VPS18: variants seen among roughly 807,000 people sequenced by gnomAD.
VPS18 encodes VPS18 core subunit of CORVET and HOPS complexes.
A neutral mutation model predicts 82.0 loss-of-function variants in VPS18; 25 were observed. The ratio of observed to expected loss-of-function variants is 0.30; its 90% CI spans 0.22 to 0.43. VPS18 has a LOEUF of 0.43. VPS18 is among the 20% of genes least tolerant of loss of function. VPS18 has a pLI of 1.00. For synonymous variants in VPS18, 523 were observed against 543.0 expected (o/e 0.96, Z 0.51); for missense variants, 1,168 against 1,311.1 (o/e 0.89, Z 1.69).
chr15:40,903,562 A>C lies in VPS18; in HGVS notation c.*221A>C, dbSNP rs1892403177. 5.3e-6 allele frequency: 3 copies of C among 570,606 alleles called. No individual in the cohort carries two copies. The highest frequency in any genetic ancestry group is 3.8e-5 in the African/African-American group (2 of 52,380). The allele number at this position is 570,606 out of a possible 1,614,324, so 35.3% of individuals were successfully genotyped here. A position where few individuals can be genotyped will look rare whatever the true frequency, so the allele number is the denominator to read the frequency against. The stretch of plus-strand genomic sequence containing the variant: ...AGAGCTGCAGTTATGCCAGACCATC[A>C]GCCTGCCTCCCAGTAGAGGCCCTTC... On this transcript the variant is annotated 3_prime_UTR_variant, in exon 5 of 5. Transcript: ENST00000220509.
At chr15:40,895,293 C>T (rs1485552617) in intron 1 of VPS18, among the ~76,000 whole-genome samples, 1 of 152,118 alleles carries the variant, frequency 6.6e-6, no homozygotes, top group Non-Finnish European at 1.5e-5. Flanking sequence ...GGAATTTTGT[C>T]GCTGAACGGG....
Position 40,899,175 on chromosome 15 carries a change from G to T in VPS18, c.357G>T (p.Thr119=), listed in dbSNP as rs1337574652. 1.9e-6 allele frequency: 3 copies of T among 1,614,122 alleles called. No homozygotes were observed. ...GSHLLIALSS[T]EVLYVNRNGQ... is the part of the protein sequence containing the mutation. ...ACCTGCTGATTGCCCTGAGCAGCACGGAGGTCCTCTACGTGAACCGAAATG... is the reference window on the plus strand; with the variant it reads ...ACCTGCTGATTGCCCTGAGCAGCACTGAGGTCCTCTACGTGAACCGAAATG... The change falls in exon 4 of 5, where the codon ACG becomes ACT. Residue 119 remains threonine, a synonymous_variant. Coordinates refer to ENST00000220509, the MANE Select transcript of VPS18 (RefSeq NM_020857.3). The surrounding 1 kb of genome is among the most constrained non-coding windows in gnomAD (Gnocchi z 4.4).
chr15:40,902,573 G>A lies in VPS18; in HGVS notation c.2197-43G>A, dbSNP rs1227313941. Reference sequence around the variant, plus strand: ...TCTCTCTCCCATAGTCTCCATGTTGGGCAGGGAGGGGCTTGGCCCTAAAGC... The same window carrying A: ...TCTCTCTCCCATAGTCTCCATGTTGAGCAGGGAGGGGCTTGGCCCTAAAGC... On this transcript the variant is annotated intron_variant, in intron 4 of 4. Coordinates refer to ENST00000220509, the MANE Select transcript of VPS18 (RefSeq NM_020857.3). This position sits in a 1 kb window ranked among gnomAD's most constrained non-coding sequence, Gnocchi z 4.2. 1 of 1,570,050 alleles carries A rather than the reference G, an allele frequency of 6.4e-7. No homozygotes were observed. The highest frequency in any genetic ancestry group is 8.7e-7 in the Non-Finnish European group (1 of 1,154,658).
chr15:40,895,479 C>T (rs1566867853), intron 1 of VPS18, among the ~76,000 whole-genome samples: 1 of 152,112 alleles, frequency 6.6e-6, no homozygotes, highest in African/African-American at 2.4e-5. Context: ...TAGTCTTTAC[C>T]TTCATTCAAT....
intron 4 of VPS18, among the ~76,000 whole-genome samples, chr15:40,901,806 T>G (rs192572156): frequency 8.4e-4 from 128 of 152,174 alleles, no homozygotes; most frequent in African/African-American, 3.1e-3. Flanking sequence ...CTCAGGAGGC[T>G]GAGGTAGGAG....
intron 2 of VPS18, among the ~76,000 whole-genome samples, chr15:40,897,277 C>G (rs1182031154): frequency 1.4e-5 from 2 of 146,868 alleles, no homozygotes; most frequent in Non-Finnish European, 3.0e-5. Context: ...GCCTGGATGA[C>G]AAGAGCAAGA....
intron 2 of VPS18, chr15:40,898,614 G>A (rs1458673166): frequency 2.3e-5 from 10 of 430,680 alleles, no homozygotes; most frequent in South Asian, 1.9e-4. Flanking sequence ...GGGACCACAG[G>A]TGTGTACCAC....
intron 2 of VPS18, 138 bp from the exon 3 acceptor site, chr15:40,898,769 G>A: frequency 3.2e-6 from 3 of 926,568 alleles, no homozygotes; most frequent in Non-Finnish European, 5.0e-6. Context: ...AGTGCACCTG[G>A]CCTGTATTCA....
Position 40,894,693 on chromosome 15 carries a change from G to A in VPS18, c.-76G>A. On this transcript the variant is annotated 5_prime_UTR_variant, in exon 1 of 5. Transcript: ENST00000220509. ...CTGGGGAGTTACAGCTTCCATTCTG[G>A]GGCGACGGGGACCCCGGGGGGGTAG... is the stretch of plus-strand genomic sequence containing the variant. 1 of 1,416,304 alleles carries A rather than the reference G, an allele frequency of 7.1e-7. No individual in the cohort carries two copies. The highest frequency in any genetic ancestry group is 9.4e-7 in the Non-Finnish European group (1 of 1,059,630). 87.7% of individuals were successfully genotyped at this position (1,416,304 alleles called of 1,614,324 possible). A position where few individuals can be genotyped will look rare whatever the true frequency, so the allele number is the denominator to read the frequency against.
Position 40,894,788 on chromosome 15 carries a change from A to G in VPS18, c.20A>G (p.Glu7Gly). 6.4e-7 allele frequency: 1 copy of G among 1,552,980 alleles called. No individual in the cohort carries two copies. Among genetic ancestry groups the G allele is most frequent in the South Asian group, 1.2e-5 (1 of 84,102 alleles). The part of the protein sequence containing the change: MASILD[E>G]YENSLSRSAV... ...GGCACCATGGCGTCCATCCTGGATG[A>G]GTACGAGAACTCGCTGTCCCGCTCG... The change falls in exon 1 of 5, where the codon GAG becomes GGG. Residue 7 changes from glutamate (E) to glycine (G), a missense_variant. By Grantham distance (98) the Glu-to-Gly change is moderately conservative. This residue lies in a region of VPS18 where 868 missense variants were observed against 939.8 expected (regional missense o/e 0.92). Transcript: ENST00000220509.
At position 40,903,723 on chromosome 15, in the gene VPS18, C is replaced by T. The variant is rs942620380; in HGVS notation, c.*382C>T. 1.2e-5 allele frequency: 2 copies of T among 169,172 alleles called. No individual in the cohort carries two copies. Among genetic ancestry groups the T allele is most frequent in the African/African-American group, 4.7e-5 (2 of 42,106 alleles). 10.5% of individuals were successfully genotyped at this position (169,172 alleles called of 1,614,324 possible). ...AGCACCTTTCTTCCGTCTGTTCACT[C>T]TGCGGCCTCTGGAATCCCAGCTCTT... On this transcript the variant is annotated 3_prime_UTR_variant, in exon 5 of 5. Transcript: ENST00000220509.
intron 2 of VPS18, among the ~76,000 whole-genome samples, chr15:40,898,060 G>A (rs28436138): frequency 0.019 from 2,848 of 152,094 alleles, 47 homozygotes; most frequent in African/African-American, 0.049. Context: ...TCCGCCTCCC[G>A]GGTTCACGCC....
rs1213699112 is a variant in VPS18 at position 40,899,652 on chromosome 15, C to T, written c.834C>T (p.Arg278=). ...TGGCCTTCTACACCCCCAAGCTGCG[C>T]TCCGCACCCCGGGCCTTCGCCTGGA... ...SELAFYTPKL[R]SAPRAFAWMM... is the part of the protein sequence containing the mutation. Residue 278 remains arginine (R), a synonymous_variant, in exon 4 of 5, where the codon CGC becomes CGT. Transcript: ENST00000220509. The surrounding 1 kb of genome is among the most constrained non-coding windows in gnomAD (Gnocchi z 4.4). The T allele has an allele frequency of 5.6e-6, 9 of 1,613,266 alleles. No individual in the cohort carries two copies. The highest frequency in any genetic ancestry group is 5.9e-6 in the Non-Finnish European group (7 of 1,180,050).
In VPS18 at chr15:40,899,452, CG is replaced by C. The variant is rs770410703; in HGVS notation, c.638del (p.Gly213AlafsTer20). The stretch of plus-strand genomic sequence containing the variant: ...ACCTGTGTGCTCCCTTGAGGCCGAG[CG>C]GGGCCCTGATGGGCGTAGCTTTGTT... ...PAPVCSLEAERGPDGRSFVIA... is the reference protein window; with the variant it reads ...PAPVCSLEAEXGPDGRSFVIA... On this transcript the variant is annotated frameshift_variant, in exon 4 of 5. Transcript: ENST00000220509. LOFTEE classifies it high-confidence loss of function. The surrounding 1 kb of genome is among the most constrained non-coding windows in gnomAD (Gnocchi z 4.4). 2.5e-6 allele frequency: 4 copies of C among 1,606,492 alleles called. No individual in the cohort carries two copies. The highest frequency in any genetic ancestry group is 2.6e-6 in the Non-Finnish European group (3 of 1,175,024).
Position 40,894,862 on chromosome 15 carries a change from A to G in VPS18, c.91+3A>G. On this transcript the variant is annotated splice_donor_region_variant and intron_variant, in intron 1 of 4. Coordinates refer to ENST00000220509, the MANE Select transcript of VPS18 (RefSeq NM_020857.3). ...TAGCGTGGGCATCCCCCACTCGGGT[A>G]AGGAAGAGGAGGGTGCCGCTGCCCC... 1 of 1,550,590 alleles carries G rather than the reference A, an allele frequency of 6.4e-7. No individual in the cohort carries two copies. The highest frequency in any genetic ancestry group is 1.2e-5 in the South Asian group (1 of 84,088).
intron 1 of VPS18, among the ~76,000 whole-genome samples, chr15:40,895,247 C>A (rs1409739078): frequency 6.6e-6 from 1 of 152,036 alleles, no homozygotes; most frequent in Non-Finnish European, 1.5e-5. Flanking sequence ...GTGGTGAAGG[C>A]GGAGTATTGC....
chr15:40,903,338 G>T lies in VPS18; in HGVS notation c.2919G>T (p.Leu973=), dbSNP rs754956941. The change falls in exon 5 of 5, where the codon CTG becomes CTT. Residue 973 remains leucine, a synonymous_variant. Transcript: ENST00000220509. Reference sequence around the variant, plus strand: ...ACGAGGAGGAGCAGCTCAGTTGGCTGTAGGAGGGTGTCACCTTTGATGGGG... The same window carrying T: ...ACGAGGAGGAGCAGCTCAGTTGGCTTTAGGAGGGTGTCACCTTTGATGGGG... ...QRYEEEQLSW[L] is the part of the protein sequence containing the mutation. The T allele has an allele frequency of 3.9e-6, 6 of 1,529,108 alleles. No individual in the cohort carries two copies. The Admixed American group carries it at 1.3e-4, about 32-fold the overall frequency. 94.7% of individuals were successfully genotyped at this position (1,529,108 alleles called of 1,614,324 possible).
rs200037246 is a variant in VPS18 at position 40,898,954 on chromosome 15, G to A, written c.281G>A (p.Arg94His). ...ANEPNHVELG[R>H]KDDAKVHKMF... ...GAGCCCAACCACGTGGAGCTGGGAC[G>A]TAAGGATGACGCAAAAGTTCACAAG... The change falls in exon 3 of 5, where the codon CGT becomes CAT. Residue 94 changes from arginine (R) to histidine (H), a missense_variant. Physicochemically the swap from Arg to His is conservative, Grantham distance 29. Around this residue, in one of 3 missense-constraint regions of VPS18, gnomAD observed 868 missense variants for 939.8 expected, o/e 0.92. Coordinates refer to ENST00000220509, the MANE Select transcript of VPS18 (RefSeq NM_020857.3). 8 of 1,614,154 alleles carry A rather than the reference G, an allele frequency of 5.0e-6. No individual in the cohort carries two copies. The highest frequency in any genetic ancestry group is 6.8e-6 in the Non-Finnish European group (8 of 1,180,022).
rs1051430695 is a variant in VPS18 at position 40,903,411 on chromosome 15, T to A, written c.*70T>A. On this transcript the variant is annotated 3_prime_UTR_variant, in exon 5 of 5. Coordinates refer to ENST00000220509, the MANE Select transcript of VPS18 (RefSeq NM_020857.3). ...CTTGAACCCACTTGAGAAGGCTGCC[T>A]CCTAGGCTCTGCTCAGTCATCTTGC... 51 of 1,502,476 alleles carry A rather than the reference T, an allele frequency of 3.4e-5. No individual in the cohort carries two copies. Among genetic ancestry groups the A allele is most frequent in the Non-Finnish European group, 3.9e-5 (44 of 1,127,176 alleles). The allele number at this position is 1,502,476 out of a possible 1,614,324, so 93.1% of individuals were successfully genotyped here. A position where few individuals can be genotyped will look rare whatever the true frequency, so the allele number is the denominator to read the frequency against.
Sources: allele counts gnomAD v4.1 joint callset (sites outside exome capture counted in the v4.1 genomes callset), GRCh38; gene constraint gnomAD v4.1.1; regional missense constraint gnomAD v4.1.1; non-coding constraint Gnocchi (gnomAD v3.1); transcripts MANE v1.5; gene names NCBI Gene and HGNC (gene_info 2026-07-23, HGNC 2026-07-21).